CADPS: variants seen among roughly 807,000 people sequenced by gnomAD.
The protein encoded by CADPS is calcium dependent secretion activator.
In CADPS, 57 loss-of-function variants were observed where a neutral mutation model predicts 167.3. The observed-to-expected ratio is 0.34, with a 90% CI of 0.28 to 0.42. The LOEUF (loss-of-function observed/expected upper bound fraction) is 0.42, where lower values mean the gene tolerates loss of function less well. Among genes scored for constraint, CADPS ranks in the 20% least tolerant of loss-of-function variants. The pLI, the probability that CADPS is intolerant of heterozygous loss-of-function variation, is 1.00. For synonymous variants in CADPS, 676 were observed against 635.3 expected (o/e 1.06, Z -0.96); for missense variants, 1,414 against 1,738.1 (o/e 0.81, Z 3.32).
chr3:62,805,799 A>G (rs780225637), intron 1 of CADPS, among the ~76,000 whole-genome samples: 3 of 152,158 alleles, frequency 2.0e-5, no homozygotes, highest in Non-Finnish European at 2.9e-5. Context: ...CACCAGCAGG[A>G]GATCAGGGTG....
rs1017750098 is a variant in CADPS, at chr3:62,412,897, A to G, written c.3778-9712T>C. On this transcript the variant is annotated intron_variant, in intron 28 of 29. Transcript: ENST00000383710. This position sits in a 1 kb window ranked among gnomAD's most constrained non-coding sequence, Gnocchi z 4.1. The stretch of plus-strand genomic sequence containing the variant: ...AGCCAAAGCCAGAATACAAGTAAGT[A>G]TGTTGCTTCTGAATCAATCTGATTG... 6.6e-6 allele frequency among the ~76,000 whole-genome samples: 1 copy of G among 152,188 alleles called. No homozygotes were observed. Among genetic ancestry groups the G allele is most frequent in the African/African-American group, 2.4e-5 (1 of 41,440 alleles).
intron 5 of CADPS, among the ~76,000 whole-genome samples, 194 bp downstream of exon 5, chr3:62,650,653 C>T (rs1046303936): frequency 3.9e-5 from 6 of 152,154 alleles, no homozygotes; most frequent in Non-Finnish European, 7.3e-5. Flanking sequence ...TTTCAGATTG[C>T]ATTTCCTTAA....
intron 1 of CADPS, among the ~76,000 whole-genome samples, chr3:62,847,419 C>A (rs1300574156): frequency 2.2e-5 from 1 of 45,556 alleles, no homozygotes; most frequent in African/African-American, 9.1e-5. Context: ...CCAATGCTAT[C>A]CCTCCCCCCT....
At position 62,869,150 on chromosome 3, in the gene CADPS, T is replaced by C. The variant is rs142855655; in HGVS notation, c.441+5439A>G. ...AGCATTTCTATTGAGCATCATGTCA[T>C]GATCAAAAAGATTTTAGAGCATTTC... is the stretch of plus-strand genomic sequence containing the variant. On this transcript the variant is annotated intron_variant, in intron 1 of 29. Transcript: ENST00000383710. Among the ~76,000 whole-genome samples the C allele has an allele frequency of 9.1e-4, 139 of 152,266 alleles. 1 individual carries two copies. Among genetic ancestry groups the C allele is most frequent in the African/African-American group, 3.2e-3 (131 of 41,570 alleles).
At chr3:62,404,786 T>C (rs1206043491) in intron 28 of CADPS, 1 of 150,882 alleles carries the variant, frequency 6.6e-6, no homozygotes, top group Non-Finnish European at 1.5e-5. Flanking sequence ...TTTTTTTTTT[T>C]TTTTTTTTTT....
chr3:62,773,923 A>G (rs922441571), intron 1 of CADPS, among the ~76,000 whole-genome samples: 1 of 152,176 alleles, frequency 6.6e-6, no homozygotes, highest in Admixed American at 6.5e-5. Context: ...TGCTATTCCT[A>G]AAGATCTATT....
At chr3:62,647,481 A>C (rs1422567204) in intron 5 of CADPS, among the ~76,000 whole-genome samples, 1 of 152,166 alleles carries the variant, frequency 6.6e-6, no homozygotes, top group Non-Finnish European at 1.5e-5. Flanking sequence ...CTGACCCAGA[A>C]GCCATACTTT....
At chr3:62,474,363 G>C in intron 23 of CADPS, 43 bp from the exon 24 acceptor site, 1 of 1,589,064 alleles carries the variant, frequency 6.3e-7, no homozygotes, top group Non-Finnish European at 8.6e-7. Flanking sequence ...GCGTTCAGAT[G>C]GCAGCAGGTG....
intron 1 of CADPS, among the ~76,000 whole-genome samples, chr3:62,863,713 A>G (rs2081213809): frequency 6.6e-6 from 1 of 152,256 alleles, no homozygotes; most frequent in African/African-American, 2.4e-5. Context: ...AGAAAGCTAC[A>G]GAAGAATTCT....
chr3:62,720,838 G>A (rs1306255639), intron 3 of CADPS, among the ~76,000 whole-genome samples: 1 of 143,416 alleles, frequency 7.0e-6, no homozygotes, highest in African/African-American at 2.6e-5. Context: ...TTCTTTTTGA[G>A]GCAGAGTCTC....
At chr3:62,474,393 G>A (rs1041817562) in intron 23 of CADPS, 73 bp from the exon 24 acceptor site, 15 of 1,437,138 alleles carry the variant, frequency 1.0e-5, no homozygotes, top group African/African-American at 2.8e-5. Context: ...TTTTCTGAGA[G>A]GTCAGTGAAA....
At position 62,573,412 on chromosome 3, in the gene CADPS, G is replaced by A. The variant is rs182824542; in HGVS notation, c.1578-2474C>T. 1.1e-4 allele frequency among the ~76,000 whole-genome samples: 17 copies of A among 152,226 alleles called. No individual in the cohort carries two copies. In the South Asian group the frequency reaches 1.5e-3, roughly 13 times the overall value. ...GGCCAATTGTATTTGATCCATGCTC[G>A]TCTATATATCATTAAAACCATCTTG... On this transcript the variant is annotated intron_variant, in intron 8 of 29. Transcript: ENST00000383710.
intron 10 of CADPS, among the ~76,000 whole-genome samples, chr3:62,556,108 TAAG>T (rs1174403031): frequency 1.3e-5 from 2 of 152,160 alleles, no homozygotes; most frequent in African/African-American, 2.4e-5. Flanking sequence ...CACAATGGCT[TAAG>T]AAGAACACAA....
intron 1 of CADPS, among the ~76,000 whole-genome samples, chr3:62,791,383 G>T (rs1576457309): frequency 1.3e-5 from 2 of 152,124 alleles, no homozygotes; most frequent in East Asian, 3.8e-4. Flanking sequence ...TGCAGCTCAG[G>T]TTACAGCCTT....
chr3:62,752,462 T>C (rs977623979), intron 3 of CADPS, among the ~76,000 whole-genome samples: 1 of 152,222 alleles, frequency 6.6e-6, no homozygotes, highest in African/African-American at 2.4e-5. Context: ...TTCAAGGTGA[T>C]ATATCATAGT....
chr3:62,499,309 C>T (rs199549749), intron 17 of CADPS, 41 bp from the exon 18 acceptor site: 121 of 1,330,042 alleles, frequency 9.1e-5, no homozygotes, highest in Admixed American at 3.0e-4. Context: ...GCGAAAGTGG[C>T]AGGCTACTTT....
intron 11 of CADPS, among the ~76,000 whole-genome samples, chr3:62,548,281 A>G (rs116059862): frequency 0.01 from 1,583 of 152,274 alleles, 33 homozygotes; most frequent in African/African-American, 0.036. Context: ...ACTAATAACT[A>G]TTACTCTCTT....
At chr3:62,485,259 G>A (rs981478772) in intron 21 of CADPS, among the ~76,000 whole-genome samples, 1 of 151,756 alleles carries the variant, frequency 6.6e-6, no homozygotes, top group African/African-American at 2.4e-5. Context: ...AACTTTGTGG[G>A]ACTTTAGAAC....
At chr3:62,439,029 C>T (rs139056223) in intron 27 of CADPS, 2 of 152,032 alleles carry the variant, frequency 1.3e-5, no homozygotes, top group African/African-American at 4.8e-5. Flanking sequence ...TCAGAAAGCA[C>T]TCTGCTTGAG....
Sources: gnomAD v4.1 joint callset for allele counts (sites outside exome capture counted in the v4.1 genomes callset) on GRCh38, gnomAD v4.1.1 for gene constraint, Gnocchi (gnomAD v3.1) non-coding constraint, MANE v1.5 for transcripts, NCBI Gene and HGNC (gene_info 2026-07-23, HGNC 2026-07-21) for gene names.